STAG1: variants seen among roughly 807,000 people sequenced by gnomAD.
STAG1 encodes cohesin subunit SA-1.
In STAG1, 26 loss-of-function variants were observed where a neutral mutation model predicts 170.9. The ratio of observed to expected loss-of-function variants is 0.15; its 90% confidence interval spans 0.11 to 0.21. STAG1 has a LOEUF of 0.21. STAG1 is among the 10% of genes least tolerant of loss of function. The probability of loss-of-function intolerance (pLI) is 1.00; values close to 1 mark genes in which losing one functional copy is unlikely to be tolerated. For missense variants in STAG1, 964 were observed against 1,509.5 expected, an observed-to-expected ratio of 0.64 and a Z score of 5.99; for synonymous variants, 514 against 497.7, an observed-to-expected ratio of 1.03 and a Z score of -0.44.
At chr3:136,713,286 C>CA (rs1943433396) in intron 1 of STAG1, among the ~76,000 whole-genome samples, 2 of 151,636 alleles carry the variant, frequency 1.3e-5, no homozygotes, top group African/African-American at 4.8e-5. Flanking sequence ...AAGCAAGACA[C>CA]AAAAAATAGT....
intron 22 of STAG1, among the ~76,000 whole-genome samples, chr3:136,390,909 G>C (rs527782520): frequency 6.6e-6 from 1 of 152,302 alleles, no homozygotes; most frequent in South Asian, 2.1e-4. Context: ...CACATTTGTA[G>C]GAATGCATGT....
In STAG1 at chr3:136,412,053, C is replaced by T. The variant is rs114161093; in HGVS notation, c.2196+5832G>A. On this transcript the variant is annotated intron_variant, in intron 21 of 33. Coordinates refer to ENST00000383202, the MANE Select transcript of STAG1 (RefSeq NM_005862.3). The stretch of plus-strand genomic sequence containing the variant: ...AAACAAACAAACAAACAAAATCTAA[C>T]GTACATAGGAACTGGATTGAAAGGA... 6.4e-3 allele frequency among the ~76,000 whole-genome samples: 977 copies of T among 152,144 alleles called. 7 individuals are homozygous for T. Among genetic ancestry groups the T allele is most frequent in the Middle Eastern group, 0.014 (4 of 294 alleles).
At chr3:136,485,298 A>T (rs1396567524) in intron 9 of STAG1, among the ~76,000 whole-genome samples, 1 of 152,092 alleles carries the variant, frequency 6.6e-6, no homozygotes, top group African/African-American at 2.4e-5. Context: ...TCTACTAAAA[A>T]TACAAAAAAT....
intron 23 of STAG1, among the ~76,000 whole-genome samples, chr3:136,373,270 T>C (rs1471212629): frequency 6.6e-6 from 1 of 152,304 alleles, no homozygotes; most frequent in Non-Finnish European, 1.5e-5. Context: ...TAGTGGTCTA[T>C]CAATTTTGTT....
chr3:136,460,682 T>TCC (rs567900095), intron 13 of STAG1, among the ~76,000 whole-genome samples: 4 of 140,674 alleles, frequency 2.8e-5, no homozygotes, highest in African/African-American at 1.1e-4. Flanking sequence ...TAATAAAGTC[T>TCC]CCCCCCCCAA....
At chr3:136,512,631 A>G (rs1277765167) in intron 7 of STAG1, among the ~76,000 whole-genome samples, 1 of 152,144 alleles carries the variant, frequency 6.6e-6, no homozygotes, top group Non-Finnish European at 1.5e-5. Flanking sequence ...TCTAACTCCA[A>G]AAGAGCAGAC....
intron 13 of STAG1, among the ~76,000 whole-genome samples, chr3:136,458,906 T>C (rs2089194918): frequency 6.6e-6 from 1 of 152,136 alleles, no homozygotes; most frequent in South Asian, 2.1e-4. Context: ...AAATAGACTT[T>C]AAGTCAAGAA....
intron 7 of STAG1, among the ~76,000 whole-genome samples, chr3:136,506,476 CAAAA>C (rs11414654): frequency 4.7e-5 from 4 of 85,346 alleles, no homozygotes; most frequent in Non-Finnish European, 7.2e-5. Flanking sequence ...ACTAAAAATA[CAAAA>C]AAAAAAAAAA....
chr3:136,624,103 G>GA (rs1358279413), intron 2 of STAG1, among the ~76,000 whole-genome samples: 1 of 151,122 alleles, frequency 6.6e-6, no homozygotes, highest in East Asian at 1.9e-4. Context: ...TCTTATATTG[G>GA]AATCTTTTTT....
intron 1 of STAG1, among the ~76,000 whole-genome samples, chr3:136,657,365 A>G (rs1941422746): frequency 6.6e-6 from 1 of 151,734 alleles, no homozygotes; most frequent in Non-Finnish European, 1.5e-5. Context: ...CGCCTAGCTA[A>G]TTTTTGTATT....
At chr3:136,444,606 T>C (rs2088723246) in intron 14 of STAG1, among the ~76,000 whole-genome samples, 1 of 152,144 alleles carries the variant, frequency 6.6e-6, no homozygotes, top group Admixed American at 6.5e-5. Flanking sequence ...GAACTAAGAT[T>C]CAAAAAATGA....
At chr3:136,544,147 T>G (rs1260422543) in intron 5 of STAG1, among the ~76,000 whole-genome samples, 1 of 152,156 alleles carries the variant, frequency 6.6e-6, no homozygotes, top group Non-Finnish European at 1.5e-5. Context: ...CTGTTCAAAA[T>G]GCCTAGTACC....
At chr3:136,450,088 TA>T (rs1451904834) in intron 14 of STAG1, among the ~76,000 whole-genome samples, 1 of 152,112 alleles carries the variant, frequency 6.6e-6, no homozygotes, top group African/African-American at 2.4e-5. Flanking sequence ...GGTAAGAGTG[TA>T]AGTTGAAATG....
At chr3:136,455,252 C>A (rs952349106) in intron 13 of STAG1, among the ~76,000 whole-genome samples, 1 of 152,142 alleles carries the variant, frequency 6.6e-6, no homozygotes, top group African/African-American at 2.4e-5. Flanking sequence ...ACTATTCAAA[C>A]ACAAGGATAC....
At chr3:136,389,362 T>C (rs1330995916) in intron 22 of STAG1, among the ~76,000 whole-genome samples, 2 of 152,044 alleles carry the variant, frequency 1.3e-5, no homozygotes, top group Non-Finnish European at 2.9e-5. Context: ...CAGGGTGGAG[T>C]GCAGTGGTGT....
rs1254865327 is a variant in STAG1 at position 136,589,486 on chromosome 3, A to T, written c.297+14823T>A. Among the ~76,000 whole-genome samples the T allele has an allele frequency of 5.9e-5, 9 of 152,244 alleles. No individual in the cohort carries two copies. The East Asian group carries it at 1.4e-3, about 23-fold the overall frequency. Reference sequence around the variant, plus strand: ...GCCACTGCACTCCAGCCTGGGTGACAGAGCGAGACTCTGTCTCAAAAAACC... The same window carrying T: ...GCCACTGCACTCCAGCCTGGGTGACTGAGCGAGACTCTGTCTCAAAAAACC... On this transcript the variant is annotated intron_variant, in intron 4 of 33. Coordinates refer to ENST00000383202, the MANE Select transcript of STAG1 (RefSeq NM_005862.3).
intron 5 of STAG1, among the ~76,000 whole-genome samples, chr3:136,548,367 G>A (rs1371789070): frequency 2.0e-5 from 3 of 152,118 alleles, no homozygotes; most frequent in Non-Finnish European, 4.4e-5. Flanking sequence ...GCCTGCCTCA[G>A]CCTCCCCAAG....
chr3:136,675,799 A>G (rs1346148801), intron 1 of STAG1, among the ~76,000 whole-genome samples: 2 of 152,008 alleles, frequency 1.3e-5, no homozygotes, highest in African/African-American at 4.8e-5. Flanking sequence ...TATTATTAAC[A>G]TTTGTGTCCA....
At chr3:136,624,617 A>G (rs1256671361) in intron 2 of STAG1, among the ~76,000 whole-genome samples, 1 of 152,194 alleles carries the variant, frequency 6.6e-6, no homozygotes, top group African/African-American at 2.4e-5. Context: ...TTGTTATTGT[A>G]TTGTAATGGG....
Sources: allele counts gnomAD v4.1 joint callset (sites outside exome capture counted in the v4.1 genomes callset), GRCh38; gene constraint gnomAD v4.1.1; transcripts MANE v1.5; gene names NCBI Gene and HGNC (gene_info 2026-07-23, HGNC 2026-07-21).